ARL15: variants seen among roughly 807,000 people sequenced by gnomAD.
ARL15 encodes the protein ARF like GTPase 15, also known as ADP-ribosylation factor-like protein 15.
In ARL15, 19 loss-of-function variants were observed where a neutral mutation model predicts 25.2. The ratio of observed to expected loss-of-function variants is 0.75; its 90% CI spans 0.53 to 1.10. The LOEUF (loss-of-function observed/expected upper bound fraction) is 1.10. Ranked by LOEUF, ARL15 falls within the 50% of genes least tolerant of loss-of-function variation. The pLI, the probability that ARL15 is intolerant of heterozygous loss-of-function variation, is 0.00. For missense variants in ARL15, 220 were observed against 246.0 expected (o/e 0.89, Z 0.71); for synonymous variants, 94 against 86.8 (o/e 1.08, Z -0.46).
intron 4 of ARL15, among the ~76,000 whole-genome samples, chr5:54,067,630 G>A (rs192231890): frequency 6.4e-4 from 97 of 152,264 alleles, no homozygotes; most frequent in African/African-American, 2.1e-3. Flanking sequence ...CAGAGAAAAC[G>A]CAAGTGCTCT....
At chr5:54,061,006 A>C (rs887903622) in intron 4 of ARL15, among the ~76,000 whole-genome samples, 1 of 152,238 alleles carries the variant, frequency 6.6e-6, no homozygotes, top group Non-Finnish European at 1.5e-5. Flanking sequence ...AAATTTACAT[A>C]AGTAATGAGG....
intron 4 of ARL15, among the ~76,000 whole-genome samples, chr5:53,959,417 T>C (rs1747286652): frequency 6.6e-6 from 1 of 152,066 alleles, no homozygotes; most frequent in Non-Finnish European, 1.5e-5. Context: ...AAAATAAACA[T>C]AAAATCCTTG....
intron 1 of ARL15, among the ~76,000 whole-genome samples, chr5:54,223,734 C>T (rs1029177960): frequency 1.3e-5 from 2 of 152,162 alleles, no homozygotes; most frequent in Non-Finnish European, 2.9e-5. Flanking sequence ...CATAAAAATA[C>T]TTGCAACATG....
At chr5:54,184,247 A>G (rs62370449) in intron 1 of ARL15, among the ~76,000 whole-genome samples, 2,236 of 20,454 alleles carry the variant, frequency 0.11, 29 homozygotes, top group Non-Finnish European at 0.13. Context: ...CTTAAAGTAT[A>G]ATAAAAAAAA....
At chr5:54,159,784 T>C (rs572027483) in intron 2 of ARL15, among the ~76,000 whole-genome samples, 1 of 152,312 alleles carries the variant, frequency 6.6e-6, no homozygotes, top group East Asian at 1.9e-4. Context: ...GGGAAATAAT[T>C]GTTTGCATAG....
intron 4 of ARL15, chr5:54,048,346 T>C (rs1750591564): frequency 1.3e-5 from 2 of 150,068 alleles, no homozygotes; most frequent in African/African-American, 2.4e-5. Context: ...CATACTCAAT[T>C]ACCTTTCATC....
At chr5:54,224,556 T>C (rs1756467830) in intron 1 of ARL15, among the ~76,000 whole-genome samples, 1 of 152,082 alleles carries the variant, frequency 6.6e-6, no homozygotes, top group Non-Finnish European at 1.5e-5. Flanking sequence ...TAAATAACTA[T>C]AAATCAGCAT....
At chr5:54,195,218 G>C (rs1365389397) in intron 1 of ARL15, among the ~76,000 whole-genome samples, 2 of 152,074 alleles carry the variant, frequency 1.3e-5, no homozygotes, top group African/African-American at 4.8e-5. Context: ...TAAGCCACCT[G>C]TGGTCAATAT....
intron 4 of ARL15, among the ~76,000 whole-genome samples, chr5:54,087,593 T>C (rs1329750894): frequency 2.0e-5 from 3 of 152,166 alleles, no homozygotes; most frequent in Non-Finnish European, 4.4e-5. Context: ...ACCACAAATA[T>C]TCCACTCTTT....
chr5:53,893,024 G>A (rs1211035771), intron 4 of ARL15, among the ~76,000 whole-genome samples: 1 of 152,196 alleles, frequency 6.6e-6, no homozygotes, highest in African/African-American at 2.4e-5. Context: ...TACAAAAAGA[G>A]TGGGACTTTC....
chr5:53,958,216 A>T (rs1272301968), intron 4 of ARL15, among the ~76,000 whole-genome samples: 1 of 152,132 alleles, frequency 6.6e-6, no homozygotes, highest in African/African-American at 2.4e-5. Flanking sequence ...ACAAATGCAA[A>T]AAACATTTAA....
chr5:54,289,672 C>T (rs1439512639), intron 1 of ARL15, among the ~76,000 whole-genome samples: 1 of 152,186 alleles, frequency 6.6e-6, no homozygotes, highest in Admixed American at 6.5e-5. Flanking sequence ...AGCCATACAA[C>T]TTACTATTTG....
chr5:53,940,215 C>T (rs1561158212), intron 4 of ARL15, among the ~76,000 whole-genome samples: 1 of 152,092 alleles, frequency 6.6e-6, no homozygotes, highest in Admixed American at 6.5e-5. Context: ...CCCCGTCATC[C>T]GCCCACCTTG....
chr5:54,035,996 A>T (rs917695917), intron 4 of ARL15, among the ~76,000 whole-genome samples: 3 of 152,154 alleles, frequency 2.0e-5, no homozygotes, highest in Non-Finnish European at 4.4e-5. Context: ...TTCTAAAAAA[A>T]GAAAAACTCA....
At chr5:54,081,173 C>T (rs1179951703) in intron 4 of ARL15, among the ~76,000 whole-genome samples, 3 of 152,106 alleles carry the variant, frequency 2.0e-5, no homozygotes, top group Non-Finnish European at 4.4e-5. Context: ...AAATTATGTC[C>T]TATGTCATTC....
chr5:54,176,866 CAGTT>C (rs1172668927), intron 1 of ARL15, among the ~76,000 whole-genome samples: 2 of 152,184 alleles, frequency 1.3e-5, no homozygotes, highest in African/African-American at 4.8e-5. Context: ...TCTTAAGTGA[CAGTT>C]AGCTTCCTTA....
At chr5:53,928,827 T>C (rs1746112817) in intron 4 of ARL15, among the ~76,000 whole-genome samples, 1 of 152,188 alleles carries the variant, frequency 6.6e-6, no homozygotes, top group Non-Finnish European at 1.5e-5. Flanking sequence ...TTATACCACA[T>C]AAAACTCACT....
chr5:53,952,532 C>T (rs1232135274), intron 4 of ARL15, among the ~76,000 whole-genome samples: 4 of 151,780 alleles, frequency 2.6e-5, no homozygotes, highest in Non-Finnish European at 2.9e-5. Context: ...TTTAGCACTA[C>T]ATTAAAAAAA....
chr5:54,055,147 A>C (rs185298185), intron 4 of ARL15, among the ~76,000 whole-genome samples: 1 of 151,962 alleles, frequency 6.6e-6, no homozygotes, highest in African/African-American at 2.4e-5. Context: ...GTCAAATCCC[A>C]TTTCTTGCCA....
Sources: allele counts gnomAD v4.1 joint callset (sites outside exome capture counted in the v4.1 genomes callset), GRCh38; gene constraint gnomAD v4.1.1; transcripts MANE v1.5; gene names NCBI Gene and HGNC (gene_info 2026-07-23, HGNC 2026-07-21).